NRP2: variants seen among roughly 807,000 people sequenced by gnomAD.
The protein encoded by NRP2 is neuropilin 2, also known as neuropilin-2.
Under a neutral mutation model 110.4 loss-of-function variants are expected in NRP2, and 52 were observed. The observed-to-expected ratio is 0.47, with a 90% confidence interval of 0.38 to 0.59. The LOEUF is 0.59. Among genes scored for constraint, NRP2 ranks in the 20% least tolerant of loss-of-function variants. NRP2 has a pLI of 0.00. For synonymous variants in NRP2, 508 were observed against 468.9 expected, an observed-to-expected ratio of 1.08 and a Z score of -1.08; for missense variants, 1,049 against 1,203.0, an observed-to-expected ratio of 0.87 and a Z score of 1.89.
In NRP2 at chr2:205,765,673, A is replaced by G. The variant is rs374866386; in HGVS notation, c.2404+103A>G. 5.6e-5 allele frequency: 55 copies of G among 984,570 alleles called. 1 individual carries two copies. The highest frequency in any genetic ancestry group is 5.1e-4 in the East Asian group (21 of 41,508). The allele number at this position is 984,570 out of a possible 1,614,324, so 61.0% of individuals were successfully genotyped here. A position where few individuals can be genotyped will look rare whatever the true frequency, so the allele number is the denominator to read the frequency against. Reference sequence around the variant, plus strand: ...CCATTTTCCAATGCAGTCGTTACCCAGTGGGTGGGGCAGCCACAGTCTCTG... The same window carrying G: ...CCATTTTCCAATGCAGTCGTTACCCGGTGGGTGGGGCAGCCACAGTCTCTG... On this transcript the variant is annotated intron_variant, in intron 14 of 16. Coordinates refer to ENST00000357785, the MANE Select transcript of NRP2 (RefSeq NM_003872.3).
rs771743285 is a variant in NRP2, at chr2:205,752,857, G to T, written c.1926G>T (p.Ser642=). The change falls in exon 12 of 17, where the codon TCG becomes TCT. Residue 642 remains serine, a synonymous_variant. Coordinates refer to ENST00000357785, the MANE Select transcript of NRP2 (RefSeq NM_003872.3). The part of the protein sequence containing the change: ...FEDDKDLQLP[S]GFNCNFDFLE... ...TAGACAAAGATTTGCAGCTCCCTTC[G>T]GGATTCAATTGCAACTTCGATTTCC... 1 of 1,614,096 alleles carries T rather than the reference G, an allele frequency of 6.2e-7. No individual in the cohort carries two copies. The highest frequency in any genetic ancestry group is 8.5e-7 in the Non-Finnish European group (1 of 1,180,016).
chr2:205,689,583 T>G (rs1315466388), intron 1 of NRP2, among the ~76,000 whole-genome samples: 1 of 152,246 alleles, frequency 6.6e-6, no homozygotes, highest in Admixed American at 6.5e-5. Context: ...CTCTGTGTTT[T>G]GTAAGCACCA....
At chr2:205,760,515 T>C (rs893568561) in intron 12 of NRP2, among the ~76,000 whole-genome samples, 2 of 152,186 alleles carry the variant, frequency 1.3e-5, no homozygotes, top group Non-Finnish European at 2.9e-5. Context: ...CTTCAGCTGC[T>C]TGTGCTAAGC....
At chr2:205,707,242 A>G (rs1039653564) in intron 2 of NRP2, among the ~76,000 whole-genome samples, 1 of 152,252 alleles carries the variant, frequency 6.6e-6, no homozygotes, top group African/African-American at 2.4e-5. Context: ...CCTGTGCAGC[A>G]TGATGCTTCA....
At chr2:205,782,070 C>T (rs1373289662) in intron 15 of NRP2, among the ~76,000 whole-genome samples, 1 of 126,100 alleles carries the variant, frequency 7.9e-6, no homozygotes, top group Non-Finnish European at 1.8e-5. Flanking sequence ...AGAGCAAAAC[C>T]TTATTTAGCA....
At position 205,752,926 on chromosome 2, in the gene NRP2, C is replaced by T; in HGVS notation, c.1995C>T (p.Leu665=). The T allele has an allele frequency of 1.2e-6, 2 of 1,614,132 alleles. No individual in the cohort carries two copies. The highest frequency in any genetic ancestry group is 1.1e-5 in the South Asian group (1 of 91,082). The change falls in exon 12 of 17, where the codon CTC becomes CTT. Residue 665 remains leucine, a synonymous_variant. Transcript: ENST00000357785. ...CGWMYDHAKW[L]RTTWASSSSP... ...GGATGTATGACCATGCCAAGTGGCT[C>T]CGGACCACCTGGGCCAGCAGCTCCA...
At chr2:205,741,436 G>A (rs1162417822) in intron 8 of NRP2, among the ~76,000 whole-genome samples, 1 of 152,184 alleles carries the variant, frequency 6.6e-6, no homozygotes, top group Non-Finnish European at 1.5e-5. Context: ...TGGCAAGAGG[G>A]ACCAAAAGAG....
At chr2:205,785,745 C>T (rs1445474970) in intron 15 of NRP2, among the ~76,000 whole-genome samples, 1 of 152,226 alleles carries the variant, frequency 6.6e-6, no homozygotes, top group Non-Finnish European at 1.5e-5. Flanking sequence ...CGCCTCCACA[C>T]TTGAAAGTAT....
chr2:205,695,410 A>G (rs184462387), intron 1 of NRP2, among the ~76,000 whole-genome samples: 2 of 152,268 alleles, frequency 1.3e-5, no homozygotes, highest in South Asian at 2.1e-4. Context: ...TCTAATTACT[A>G]AAAGTTTAAA....
intron 2 of NRP2, among the ~76,000 whole-genome samples, chr2:205,708,805 G>T (rs2056739598): frequency 6.6e-6 from 1 of 152,162 alleles, no homozygotes; most frequent in South Asian, 2.1e-4. Context: ...GGGGATTGTG[G>T]ATAAGAAGCT....
chr2:205,788,234 G>T (rs565939218), intron 15 of NRP2, among the ~76,000 whole-genome samples: 2 of 152,316 alleles, frequency 1.3e-5, no homozygotes, highest in East Asian at 3.9e-4. Context: ...GCCTGAGACT[G>T]ATCTTCATAT....
chr2:205,787,825 C>A lies in NRP2; in HGVS notation c.2426-4410C>A, dbSNP rs116925274. Reference sequence around the variant, plus strand: ...GGGCCTTCTTATTTGAGGACTAAATCATTCTCAGTAGGAATTTCCAGGCAG... The same window carrying A: ...GGGCCTTCTTATTTGAGGACTAAATAATTCTCAGTAGGAATTTCCAGGCAG... On this transcript the variant is annotated intron_variant, in intron 15 of 16. Transcript: ENST00000357785. Among the ~76,000 whole-genome samples, 17 of 151,846 alleles carry A rather than the reference C, an allele frequency of 1.1e-4. No homozygotes were observed. In the East Asian group the frequency reaches 3.1e-3, roughly 28 times the overall value.
intron 1 of NRP2, among the ~76,000 whole-genome samples, chr2:205,696,846 C>G (rs2056438727): frequency 6.6e-6 from 1 of 152,172 alleles, no homozygotes. Context: ...CCAGTAGATT[C>G]TCTAATACAG....
At chr2:205,700,179 C>T (rs555628463) in intron 2 of NRP2, among the ~76,000 whole-genome samples, 15 of 152,266 alleles carry the variant, frequency 9.9e-5, no homozygotes, top group African/African-American at 2.9e-4. Flanking sequence ...TGTCTTGTTC[C>T]GGCTCTCCCT....
At chr2:205,787,062 C>T (rs1310402928) in intron 15 of NRP2, among the ~76,000 whole-genome samples, 2 of 152,170 alleles carry the variant, frequency 1.3e-5, no homozygotes, top group Non-Finnish European at 2.9e-5. Flanking sequence ...CAGAAAGGCC[C>T]TCGTACCTTT....
intron 3 of NRP2, chr2:205,722,146 C>T (rs545016624): frequency 1.0e-3 from 93 of 91,876 alleles, no homozygotes; most frequent in Non-Finnish European, 1.6e-3. Flanking sequence ...AAGAGAATCC[C>T]TCTCTCTCTC....
chr2:205,750,027 T>A (rs767376522), intron 11 of NRP2, among the ~76,000 whole-genome samples, 186 bp downstream of exon 11: 1 of 152,106 alleles, frequency 6.6e-6, no homozygotes, highest in Non-Finnish European at 1.5e-5. Flanking sequence ...GTAGAAGCAT[T>A]TGGATAGTGT....
intron 16 of NRP2, 50 bp downstream of exon 16, chr2:205,792,335 A>G (rs778718818): frequency 7.1e-7 from 1 of 1,411,460 alleles, no homozygotes; most frequent in Non-Finnish European, 1.0e-6. Flanking sequence ...AAGTTTGGTT[A>G]TAAAGGTGTC....
At chr2:205,792,724 C>T (rs150515748) in intron 16 of NRP2, among the ~76,000 whole-genome samples, 1 of 152,296 alleles carries the variant, frequency 6.6e-6, no homozygotes, top group East Asian at 1.9e-4. Flanking sequence ...TCACACTATT[C>T]AAGATTCCAA....
Sources: gnomAD v4.1 joint callset for allele counts (sites outside exome capture counted in the v4.1 genomes callset) on GRCh38, gnomAD v4.1.1 for gene constraint, MANE v1.5 for transcripts, NCBI Gene and HGNC (gene_info 2026-07-23, HGNC 2026-07-21) for gene names.